The following GABRB1 variants were observed in gnomAD, a reference collection of about 807,000 sequenced individuals.
The protein encoded by GABRB1 is gamma-aminobutyric acid receptor subunit beta-1.
In GABRB1, 17 loss-of-function variants were observed where a neutral mutation model predicts 51.6. That is an observed-to-expected ratio of 0.33 (90% CI 0.23 to 0.49). The LOEUF is 0.49. Ranked by LOEUF, GABRB1 falls within the 20% of genes least tolerant of loss-of-function variation. The pLI, the probability that GABRB1 is intolerant of heterozygous loss-of-function variation, is 0.99. For missense variants in GABRB1, 410 were observed against 600.6 expected (o/e 0.68, Z 3.32); for synonymous variants, 247 against 218.9 (o/e 1.13, Z -1.14).
chr4:47,173,919 T>C (rs1377525964), intron 4 of GABRB1, among the ~76,000 whole-genome samples: 1 of 152,198 alleles, frequency 6.6e-6, no homozygotes, highest in Non-Finnish European at 1.5e-5. Flanking sequence ...TGTTACATAG[T>C]CTCAAACATA....
chr4:47,143,596 G>A (rs1310956191), intron 3 of GABRB1, among the ~76,000 whole-genome samples: 4 of 151,916 alleles, frequency 2.6e-5, no homozygotes, highest in African/African-American at 7.2e-5. Flanking sequence ...AGATGGAGAA[G>A]TGTTTTGGAG....
intron 3 of GABRB1, among the ~76,000 whole-genome samples, chr4:47,145,612 T>C (rs1717134991): frequency 6.6e-6 from 1 of 152,050 alleles, no homozygotes; most frequent in African/African-American, 2.4e-5. Context: ...GAACACGACA[T>C]AGCATGTCTA....
At position 47,426,299 on chromosome 4, in the gene GABRB1, C is replaced by G. The variant is rs751183559; in HGVS notation, c.*281C>G. 1 of 253,134 alleles carries G rather than the reference C, an allele frequency of 4.0e-6. No individual in the cohort carries two copies. The highest frequency in any genetic ancestry group is 7.4e-6 in the Non-Finnish European group (1 of 134,316). 15.7% of individuals were successfully genotyped at this position (253,134 alleles called of 1,614,324 possible). A position where few individuals can be genotyped will look rare whatever the true frequency, so the allele number is the denominator to read the frequency against. On this transcript the variant is annotated 3_prime_UTR_variant, in exon 9 of 9. Transcript: ENST00000295454. The stretch of plus-strand genomic sequence containing the variant: ...AACAAACACAAAGAGAGAAGTTAGA[C>G]AGGTAGATCTTTAGCAGTCTTTTCT...
At chr4:47,288,294 ACT>A (rs1723591963) in intron 4 of GABRB1, among the ~76,000 whole-genome samples, 1 of 151,126 alleles carries the variant, frequency 6.6e-6, no homozygotes, top group Admixed American at 6.6e-5. Context: ...ATGGAGTCTC[ACT>A]CTGTCGCCCA....
At chr4:47,386,279 G>T (rs932782311) in intron 5 of GABRB1, among the ~76,000 whole-genome samples, 1 of 152,118 alleles carries the variant, frequency 6.6e-6, no homozygotes, top group Non-Finnish European at 1.5e-5. Context: ...ATATTTAAGA[G>T]CTCTGTGTCA....
At chr4:47,422,394 T>C (rs1729117356) in intron 8 of GABRB1, among the ~76,000 whole-genome samples, 2 of 152,214 alleles carry the variant, frequency 1.3e-5, no homozygotes, top group African/African-American at 4.8e-5. Context: ...GGGGAGTCCA[T>C]ACAAACTCCC....
At chr4:47,205,748 T>C (rs768507282) in intron 4 of GABRB1, among the ~76,000 whole-genome samples, 60 of 152,170 alleles carry the variant, frequency 3.9e-4, no homozygotes, top group Non-Finnish European at 6.3e-4. Context: ...AGAAAGAGCT[T>C]CTGCACTTAC....
intron 4 of GABRB1, among the ~76,000 whole-genome samples, chr4:47,284,559 A>G (rs1723435062): frequency 1.3e-5 from 2 of 152,308 alleles, no homozygotes; most frequent in African/African-American, 4.8e-5. Flanking sequence ...TTTTCTCTCA[A>G]GAGGGTTCAC....
At chr4:47,346,162 A>G (rs1726080835) in intron 5 of GABRB1, among the ~76,000 whole-genome samples, 1 of 152,214 alleles carries the variant, frequency 6.6e-6, no homozygotes, top group Non-Finnish European at 1.5e-5. Context: ...GCAGCACTGT[A>G]AGTGTGAAAC....
At chr4:47,157,389 A>G (rs1717753051) in intron 3 of GABRB1, among the ~76,000 whole-genome samples, 2 of 152,136 alleles carry the variant, frequency 1.3e-5, no homozygotes, top group African/African-American at 4.8e-5. Context: ...AAATACAGCA[A>G]TTTAGAGGCT....
At chr4:47,239,169 T>C (rs1165965454) in intron 4 of GABRB1, among the ~76,000 whole-genome samples, 1 of 152,230 alleles carries the variant, frequency 6.6e-6, no homozygotes, top group East Asian at 1.9e-4. Flanking sequence ...TGTACACCCA[T>C]GTAACTATCT....
chr4:47,057,063 C>T (rs528829026), intron 3 of GABRB1, among the ~76,000 whole-genome samples: 2 of 152,262 alleles, frequency 1.3e-5, no homozygotes, highest in South Asian at 4.1e-4. Flanking sequence ...CGAGATCACG[C>T]CGCTGCACTC....
intron 5 of GABRB1, among the ~76,000 whole-genome samples, chr4:47,356,447 G>A (rs2110004917): frequency 6.6e-6 from 1 of 152,228 alleles, no homozygotes; most frequent in Middle Eastern, 3.4e-3. Flanking sequence ...CAAATTTTAG[G>A]CAAAGATTTA....
intron 3 of GABRB1, chr4:47,032,773 G>C: frequency 3.2e-6 from 2 of 629,584 alleles, no homozygotes; most frequent in Non-Finnish European, 6.1e-6. Context: ...CGTTACTTTA[G>C]CTGGGTTTCC....
chr4:47,043,886 A>G (rs982536999), intron 3 of GABRB1, among the ~76,000 whole-genome samples: 1 of 152,070 alleles, frequency 6.6e-6, no homozygotes, highest in Non-Finnish European at 1.5e-5. Flanking sequence ...GTCTTCAGGT[A>G]CTCTTTTTAT....
At chr4:47,422,042 T>A (rs1729107694) in intron 8 of GABRB1, among the ~76,000 whole-genome samples, 1 of 152,108 alleles carries the variant, frequency 6.6e-6, no homozygotes, top group Non-Finnish European at 1.5e-5. Context: ...CTTTTTCAAT[T>A]ATAGACATAC....
intron 4 of GABRB1, among the ~76,000 whole-genome samples, chr4:47,182,202 A>T (rs1233515332): frequency 6.6e-6 from 1 of 151,956 alleles, no homozygotes; most frequent in African/African-American, 2.4e-5. Flanking sequence ...ATTTCCTGGG[A>T]TCGCTCAGAA....
At chr4:47,391,860 T>C (rs1468134542) in intron 5 of GABRB1, among the ~76,000 whole-genome samples, 3 of 152,116 alleles carry the variant, frequency 2.0e-5, no homozygotes, top group African/African-American at 4.8e-5. Flanking sequence ...ATTTTTTAAA[T>C]GAATGAAAGA....
At chr4:47,046,594 G>A (rs563214560) in intron 3 of GABRB1, among the ~76,000 whole-genome samples, 1 of 152,198 alleles carries the variant, frequency 6.6e-6, no homozygotes, top group South Asian at 2.1e-4. Context: ...CCCTGAAGAT[G>A]AGATCTCATG....
Sources: gnomAD v4.1 joint callset for allele counts (sites outside exome capture counted in the v4.1 genomes callset) on GRCh38, gnomAD v4.1.1 for gene constraint, MANE v1.5 for transcripts, NCBI Gene and HGNC (gene_info 2026-07-23, HGNC 2026-07-21) for gene names.